The following CTNNA2 variants were observed in gnomAD, a reference collection of about 807,000 sequenced individuals.
The protein encoded by CTNNA2 is catenin alpha-2.
CTNNA2 carries 42 observed loss-of-function variants against 101.0 expected under a neutral mutation model. The ratio of observed to expected loss-of-function variants is 0.42; its 90% CI spans 0.32 to 0.54. CTNNA2 has a LOEUF of 0.54. Among genes scored for constraint, CTNNA2 ranks in the 20% least tolerant of loss-of-function variants. CTNNA2 has a pLI of 0.14. For synonymous variants in CTNNA2, 450 were observed against 456.4 expected (o/e 0.99, Z 0.18); for missense variants, 871 against 1,223.1 (o/e 0.71, Z 4.29).
At chr2:80,374,930 T>A (rs912930852) in intron 7 of CTNNA2, among the ~76,000 whole-genome samples, 9 of 152,024 alleles carry the variant, frequency 5.9e-5, no homozygotes, top group Non-Finnish European at 1.3e-4. Flanking sequence ...GACTCAACAT[T>A]ACATAGGTGC....
intron 4 of CTNNA2, among the ~76,000 whole-genome samples, chr2:79,496,162 A>G (rs1254172085): frequency 6.6e-6 from 1 of 152,218 alleles, no homozygotes; most frequent in African/African-American, 2.4e-5. Context: ...ATAATATTCT[A>G]AAAAGTATTT....
intron 3 of CTNNA2, among the ~76,000 whole-genome samples, chr2:79,824,982 G>A (rs1012721040): frequency 4.1e-4 from 63 of 152,264 alleles, no homozygotes; most frequent in African/African-American, 1.5e-3. Flanking sequence ...TTGAGGACAA[G>A]GGTTCAGCAC....
chr2:79,540,462 C>T (rs1444784044), intron 1 of CTNNA2, among the ~76,000 whole-genome samples: 1 of 152,150 alleles, frequency 6.6e-6, no homozygotes, highest in South Asian at 2.1e-4. Context: ...CAGAGTTTTG[C>T]CCCTCAGCTG....
At chr2:79,275,499 A>C (rs142344846) in intron 2 of CTNNA2, among the ~76,000 whole-genome samples, 2 of 152,100 alleles carry the variant, frequency 1.3e-5, no homozygotes, top group African/African-American at 4.8e-5. Context: ...TCAATTTAGA[A>C]TTTTCTTGCC....
intron 3 of CTNNA2, among the ~76,000 whole-genome samples, chr2:79,754,217 A>G (rs988906813): frequency 2.0e-5 from 3 of 152,126 alleles, no homozygotes; most frequent in African/African-American, 7.2e-5. Context: ...ATGATGACCA[A>G]TGGGCTAAGA....
At chr2:80,594,496 C>T (rs1573395193) in intron 15 of CTNNA2, among the ~76,000 whole-genome samples, 1 of 151,930 alleles carries the variant, frequency 6.6e-6, no homozygotes, top group South Asian at 2.1e-4. Flanking sequence ...TTGACACACA[C>T]AAGTTTTTAA....
At chr2:79,907,015 C>CT (rs958118488) in intron 6 of CTNNA2, among the ~76,000 whole-genome samples, 15 of 152,106 alleles carry the variant, frequency 9.9e-5, no homozygotes, top group Non-Finnish European at 1.8e-4. Context: ...TGCAGAGAAA[C>CT]TGTTTTACAA....
At chr2:80,018,421 T>A (rs1314866138) in intron 7 of CTNNA2, among the ~76,000 whole-genome samples, 2 of 152,200 alleles carry the variant, frequency 1.3e-5, no homozygotes, top group Admixed American at 1.3e-4. Flanking sequence ...CACTCGTAAT[T>A]CAGTGACTTG....
At chr2:80,559,878 T>TATCTATCTATA (rs1693393440) in intron 12 of CTNNA2, among the ~76,000 whole-genome samples, 1 of 113,934 alleles carries the variant, frequency 8.8e-6, no homozygotes, top group African/African-American at 3.0e-5. Flanking sequence ...GATATCATAT[T>TATCTATCTATA]TATATATATA....
chr2:79,404,935 A>G (rs11691832), intron 4 of CTNNA2, among the ~76,000 whole-genome samples: 32,548 of 151,906 alleles, frequency 0.21, 3,494 homozygotes, highest in Middle Eastern at 0.3. Context: ...AAAGAACTCT[A>G]TTGAGATATC....
chr2:79,530,623 C>T (rs905607061), intron 1 of CTNNA2, among the ~76,000 whole-genome samples: 5 of 152,048 alleles, frequency 3.3e-5, no homozygotes, highest in Non-Finnish European at 7.3e-5. Flanking sequence ...ATAGAGAGGC[C>T]GCTAGAGGCC....
At chr2:80,243,067 A>G (rs1318169) in intron 7 of CTNNA2, among the ~76,000 whole-genome samples, 3,041 of 152,262 alleles carry the variant, frequency 0.02, 104 homozygotes, top group African/African-American at 0.069. Context: ...TTGTTTAGAG[A>G]AGAGACCAAC....
At chr2:79,338,572 CTCATCA>C (rs368664215) in intron 3 of CTNNA2, among the ~76,000 whole-genome samples, 18 of 127,238 alleles carry the variant, frequency 1.4e-4, no homozygotes, top group Non-Finnish European at 2.5e-4. Flanking sequence ...CTTCTTCCTC[CTCATCA>C]TCTTCTTCTT....
At chr2:80,632,988 A>C (rs901686972) in intron 18 of CTNNA2, among the ~76,000 whole-genome samples, 2 of 152,184 alleles carry the variant, frequency 1.3e-5, no homozygotes, top group Non-Finnish European at 2.9e-5. Flanking sequence ...GCCAAGACTT[A>C]GAGCCAGTTT....
intron 1 of CTNNA2, among the ~76,000 whole-genome samples, chr2:79,608,482 C>G (rs1678047155): frequency 6.6e-6 from 1 of 151,960 alleles, no homozygotes; most frequent in African/African-American, 2.4e-5. Flanking sequence ...TGGAAGTATT[C>G]TTCATGAACA....
At chr2:79,300,208 G>A (rs925135171) in intron 2 of CTNNA2, among the ~76,000 whole-genome samples, 4 of 151,944 alleles carry the variant, frequency 2.6e-5, no homozygotes, top group Admixed American at 1.3e-4. Flanking sequence ...CACAAACCCC[G>A]GCAACCAGTG....
intron 2 of CTNNA2, among the ~76,000 whole-genome samples, chr2:79,288,933 A>G (rs1266273644): frequency 6.6e-6 from 1 of 151,746 alleles, no homozygotes; most frequent in Admixed American, 6.5e-5. Flanking sequence ...AAATTGAAAC[A>G]GAAAAAAGAA....
chr2:79,601,335 A>T (rs2104083084), intron 1 of CTNNA2, among the ~76,000 whole-genome samples: 1 of 152,336 alleles, frequency 6.6e-6, no homozygotes, highest in Middle Eastern at 3.4e-3. Context: ...GATAGTTAAG[A>T]TCATGTGACC....
chr2:80,232,349 T>G (rs2597319), intron 7 of CTNNA2, among the ~76,000 whole-genome samples: 178 of 11,968 alleles, frequency 0.015, 2 homozygotes, highest in African/African-American at 0.029. Flanking sequence ...TTGTTTGTTT[T>G]TTTTTTTTTT....
Sources: gnomAD v4.1 joint callset for allele counts (sites outside exome capture counted in the v4.1 genomes callset) on GRCh38, gnomAD v4.1.1 for gene constraint, MANE v1.5 for transcripts, NCBI Gene and HGNC (gene_info 2026-07-23, HGNC 2026-07-21) for gene names.